COLEC11: variants seen among roughly 807,000 people sequenced by gnomAD.
COLEC11 encodes collectin subfamily member 11, also known as collectin-11.
Under a neutral mutation model 27.3 loss-of-function variants are expected in COLEC11, and 20 were observed. The ratio of observed to expected loss-of-function variants is 0.73; its 90% CI spans 0.51 to 1.06. COLEC11 has a LOEUF of 1.06. Ranked by LOEUF, COLEC11 falls within the 50% of genes least tolerant of loss-of-function variation. The probability of loss-of-function intolerance (pLI) is 0.00; values close to 1 mark genes in which losing one functional copy is unlikely to be tolerated. For missense variants in COLEC11, 310 were observed against 383.0 expected (o/e 0.81, Z 1.59); for synonymous variants, 163 against 154.7 (o/e 1.05, Z -0.40).
intron 3 of COLEC11, chr2:3,626,104 G>A (rs960546648): frequency 1.9e-6 from 3 of 1,608,700 alleles, no homozygotes; most frequent in African/African-American, 1.3e-5. Flanking sequence ...TAATGGATCT[G>A]GAAATCCCAC....
At chr2:3,634,881 C>T (rs12465002) in intron 3 of COLEC11, among the ~76,000 whole-genome samples, 1 of 150,454 alleles carries the variant, frequency 6.6e-6, no homozygotes, top group African/African-American at 2.5e-5. Context: ...GGTCCCGGCC[C>T]TGCCCATGTC....
Position 3,613,594 on chromosome 2 carries a change from A to G in COLEC11, c.202+212A>G, listed in dbSNP as rs568265193. Among the ~76,000 whole-genome samples, 7 of 152,306 alleles carry G rather than the reference A, an allele frequency of 4.6e-5. No individual in the cohort carries two copies. The East Asian group carries it at 1.4e-3, about 29-fold the overall frequency. On this transcript the variant is annotated intron_variant, in intron 3 of 6. Coordinates refer to ENST00000349077, the MANE Select transcript of COLEC11 (RefSeq NM_024027.5). ...TCCTTGTGCTGACCTGTGGGGCTCTAGGAAAGAAAGTGTGTCCTGGAACTC... is the reference window on the plus strand; with the variant it reads ...TCCTTGTGCTGACCTGTGGGGCTCTGGGAAAGAAAGTGTGTCCTGGAACTC...
intron 1 of COLEC11, among the ~76,000 whole-genome samples, chr2:3,595,751 G>A (rs1019861086): frequency 2.0e-5 from 3 of 152,242 alleles, no homozygotes; most frequent in Non-Finnish European, 4.4e-5. Flanking sequence ...AAATTGGAAA[G>A]GAGGAAAGTT....
rs999909424 is a variant in COLEC11, at chr2:3,607,598, CCATCAA to C, written c.130+3130_130+3135del. Among the ~76,000 whole-genome samples the C allele has an allele frequency of 8.6e-4, 131 of 151,950 alleles. 1 individual carries two copies. Among genetic ancestry groups the C allele is most frequent in the African/African-American group, 3.0e-3 (126 of 41,454 alleles). The stretch of plus-strand genomic sequence containing the variant: ...AAGTAGCTGGGACTATAGGCGCGCA[CCATCAA>C]CGCCCGGCTAATTTTTGTATTTTTA... On this transcript the variant is annotated intron_variant, in intron 2 of 6. Coordinates refer to ENST00000349077, the MANE Select transcript of COLEC11 (RefSeq NM_024027.5).
chr2:3,618,223 C>T (rs1041578184), intron 3 of COLEC11, among the ~76,000 whole-genome samples: 6 of 151,994 alleles, frequency 3.9e-5, no homozygotes, highest in African/African-American at 1.5e-4. Context: ...TTTATTTTTG[C>T]TTTTGTTGCA....
intron 4 of COLEC11, among the ~76,000 whole-genome samples, chr2:3,638,278 A>G (rs1665578945): frequency 6.6e-6 from 1 of 152,128 alleles, no homozygotes; most frequent in African/African-American, 2.4e-5. Flanking sequence ...TGGTCAGTGG[A>G]CGTCTTTGGA....
intron 3 of COLEC11, among the ~76,000 whole-genome samples, chr2:3,636,225 G>C (rs1417064050): frequency 6.6e-6 from 1 of 152,188 alleles, no homozygotes; most frequent in Non-Finnish European, 1.5e-5. Context: ...GGGAGGCCGA[G>C]GTGGATGGAT....
intron 3 of COLEC11, chr2:3,617,710 G>T (rs967022806): frequency 4.0e-5 from 64 of 1,581,326 alleles, no homozygotes; most frequent in Admixed American, 6.7e-5. Flanking sequence ...GGAGCGAGGC[G>T]TGCGAGAACG....
chr2:3,617,719 C>T lies in COLEC11; in HGVS notation c.202+4337C>T, dbSNP rs1032761758. 152 of 1,551,576 alleles carry T rather than the reference C, an allele frequency of 9.8e-5. 3 individuals carry two copies. In the South Asian group the frequency reaches 1.5e-3, roughly 16 times the overall value. The stretch of plus-strand genomic sequence containing the variant: ...AAAAGCGGAGCGAGGCGTGCGAGAA[C>T]GAGAGAAGTCTGGTCTGCGCAGTGG... On this transcript the variant is annotated intron_variant, in intron 3 of 6. Coordinates refer to ENST00000349077, the MANE Select transcript of COLEC11 (RefSeq NM_024027.5).
chr2:3,619,451 T>A (rs1664022558), intron 3 of COLEC11, among the ~76,000 whole-genome samples: 3 of 152,234 alleles, frequency 2.0e-5, no homozygotes, highest in Non-Finnish European at 4.4e-5. Context: ...TCTTTGTATA[T>A]GTGCTTTCTT....
chr2:3,610,036 C>A (rs779595628), intron 2 of COLEC11, among the ~76,000 whole-genome samples: 56 of 152,246 alleles, frequency 3.7e-4, no homozygotes, highest in Non-Finnish European at 6.8e-4. Context: ...GCTATCATGA[C>A]AAACTTGTCC....
rs1195980844 is a variant in COLEC11 at position 3,598,595 on chromosome 2, T to C, written c.-27+3427T>C. ...GGAGGAGTGAAGTCAGCTGGTGGGG[T>C]CCTGGGTTTCCGCTTTTCGGTTGCC... On this transcript the variant is annotated intron_variant, in intron 1 of 6. Coordinates refer to ENST00000349077, the MANE Select transcript of COLEC11 (RefSeq NM_024027.5). Among the ~76,000 whole-genome samples the C allele has an allele frequency of 2.0e-5, 3 of 152,060 alleles. No individual in the cohort carries two copies. The East Asian group carries it at 5.8e-4, about 29-fold the overall frequency.
chr2:3,615,883 G>C (rs1663665900), intron 3 of COLEC11, among the ~76,000 whole-genome samples: 1 of 147,010 alleles, frequency 6.8e-6, no homozygotes, highest in Non-Finnish European at 1.5e-5. Flanking sequence ...GGACGCGGCG[G>C]CTGGCCGGGC....
chr2:3,640,235 T>G (rs529766390), intron 4 of COLEC11, 43 bp from the exon 5 acceptor site: 57 of 1,197,834 alleles, frequency 4.8e-5, no homozygotes, highest in Non-Finnish European at 6.7e-5. Context: ...ATAGAACATG[T>G]CCATCTCTGC....
Position 3,603,391 on chromosome 2 carries a change from A to G in COLEC11, c.-26-924A>G. On this transcript the variant is annotated intron_variant, in intron 1 of 6. Coordinates refer to ENST00000349077, the MANE Select transcript of COLEC11 (RefSeq NM_024027.5). ...GAGTGTAGTGGCGTGATCTCAGGTC[A>G]CTGCAACCTCCGCCTCCTGGGTTCA... is the stretch of plus-strand genomic sequence containing the variant. 6 of 475,336 alleles carry G rather than the reference A, an allele frequency of 1.3e-5. No individual in the cohort carries two copies. In the South Asian group the frequency reaches 1.4e-4, roughly 11 times the overall value. 29.4% of individuals were successfully genotyped at this position (475,336 alleles called of 1,614,324 possible).
chr2:3,621,606 C>T (rs901245616), intron 3 of COLEC11, among the ~76,000 whole-genome samples: 2 of 152,096 alleles, frequency 1.3e-5, no homozygotes, highest in Non-Finnish European at 2.9e-5. Context: ...CTTGGTAGAT[C>T]CTTTGTTTCC....
intron 4 of COLEC11, 81 bp downstream of exon 4, chr2:3,637,685 T>C (rs1665533782): frequency 9.0e-7 from 1 of 1,105,896 alleles, no homozygotes; most frequent in Admixed American, 1.7e-5. Context: ...AATTGTAGCC[T>C]GAATTGTCTC....
At chr2:3,625,889 T>C in intron 3 of COLEC11, 1 of 880,812 alleles carries the variant, frequency 1.1e-6, no homozygotes, top group Non-Finnish European at 1.9e-6. Context: ...TACCTTGGCC[T>C]CCCAAAGTGC....
At chr2:3,613,749 C>T (rs137889988) in intron 3 of COLEC11, among the ~76,000 whole-genome samples, 92 of 152,282 alleles carry the variant, frequency 6.0e-4, no homozygotes, top group African/African-American at 2.1e-3. Context: ...ATAGGACCCT[C>T]ATCACTTTGC....
Sources: gnomAD v4.1 joint callset for allele counts (sites outside exome capture counted in the v4.1 genomes callset) on GRCh38, gnomAD v4.1.1 for gene constraint, MANE v1.5 for transcripts, NCBI Gene and HGNC (gene_info 2026-07-23, HGNC 2026-07-21) for gene names.